Variants in FBXO34 observed in about 807,000 individuals in gnomAD.
The protein encoded by FBXO34 is F-box protein 34, also known as F-box only protein 34.
In FBXO34, 12 loss-of-function variants were observed where a neutral mutation model predicts 24.5. The observed-to-expected ratio is 0.49, with a 90% CI of 0.31 to 0.79. FBXO34 has a LOEUF of 0.79. FBXO34 is among the 30% of genes least tolerant of loss of function. The pLI is 0.04. For synonymous variants in FBXO34, 320 were observed against 311.9 expected, an observed-to-expected ratio of 1.03 and a Z score of -0.27; for missense variants, 823 against 857.7, an observed-to-expected ratio of 0.96 and a Z score of 0.51.
chr14:55,385,861 C>G, the FBXO34 span: 1 of 1,608,424 alleles, frequency 6.2e-7, no homozygotes, highest in South Asian at 1.1e-5. Context: ...TAATGTACCT[C>G]ACACCCGTCT....
chr14:55,308,354 A>G (rs1232711248), intron 1 of FBXO34, among the ~76,000 whole-genome samples: 1 of 152,250 alleles, frequency 6.6e-6, no homozygotes, highest in African/African-American at 2.4e-5. Context: ...ATAAACCAGT[A>G]TTTGATGATA....
the FBXO34 span, among the ~76,000 whole-genome samples, chr14:55,404,001 G>C: frequency 6.6e-6 from 1 of 152,118 alleles, no homozygotes; most frequent in African/African-American, 2.4e-5. Flanking sequence ...TTTAAAATTT[G>C]ATGGGATGGA....
At chr14:55,374,850 T>C (rs1434697578), downstream of FBXO34, among the ~76,000 whole-genome samples, 1 of 152,216 alleles carries the variant, frequency 6.6e-6, no homozygotes, top group Non-Finnish European at 1.5e-5. Flanking sequence ...ATTTTCTTCC[T>C]CTAATCACTC....
intron 1 of FBXO34, among the ~76,000 whole-genome samples, chr14:55,291,690 G>C (rs1348025300): frequency 6.6e-6 from 1 of 152,084 alleles, no homozygotes; most frequent in Admixed American, 6.6e-5. Context: ...CAACAAATTA[G>C]ACAGGTGTAG....
intron 1 of FBXO34, among the ~76,000 whole-genome samples, chr14:55,281,637 A>G (rs1029285857): frequency 6.6e-6 from 1 of 152,196 alleles, no homozygotes; most frequent in South Asian, 2.1e-4. Flanking sequence ...TTCTCCAAAT[A>G]TTACATCTGT....
the FBXO34 span, among the ~76,000 whole-genome samples, chr14:55,389,960 A>G: frequency 4.0e-5 from 6 of 149,952 alleles, no homozygotes; most frequent in East Asian, 3.9e-4. Context: ...TCACTAAGGG[A>G]AAAAAAAAAC....
intron 1 of FBXO34, among the ~76,000 whole-genome samples, chr14:55,297,237 A>T (rs576227445): frequency 6.6e-6 from 1 of 152,152 alleles, no homozygotes; most frequent in African/African-American, 2.4e-5. Flanking sequence ...TTAAAAGGGA[A>T]ACCTTACTGA....
At chr14:55,369,566 A>G, downstream of FBXO34, 1 of 1,399,074 alleles carries the variant, frequency 7.1e-7, no homozygotes, top group Non-Finnish European at 9.6e-7. Flanking sequence ...ACTAGAGTGT[A>G]GTGGGAGAAG....
At chr14:55,400,328 AGTGT>A in the FBXO34 span, among the ~76,000 whole-genome samples, 3 of 152,228 alleles carry the variant, frequency 2.0e-5, no homozygotes, top group Non-Finnish European at 4.4e-5. Flanking sequence ...AGTTTTTAAA[AGTGT>A]GTGTAGGGGG....
At chr14:55,294,772 C>T (rs1238248923) in intron 1 of FBXO34, among the ~76,000 whole-genome samples, 1 of 152,154 alleles carries the variant, frequency 6.6e-6, no homozygotes, top group Admixed American at 6.5e-5. Context: ...TGGAAAAGGA[C>T]TGAATATTGC....
intron 1 of FBXO34, among the ~76,000 whole-genome samples, chr14:55,290,165 G>A (rs903629214): frequency 6.6e-6 from 1 of 152,042 alleles, no homozygotes; most frequent in African/African-American, 2.4e-5. Context: ...GCTGAGGCGG[G>A]CGGATCCCAC....
the FBXO34 span, among the ~76,000 whole-genome samples, chr14:55,419,558 G>C: frequency 3.9e-5 from 6 of 152,182 alleles, no homozygotes; most frequent in African/African-American, 1.2e-4. Context: ...CTGGGCCCAG[G>C]TCCTGTTGCT....
chr14:55,326,990 G>A (rs1883362352), intron 1 of FBXO34, among the ~76,000 whole-genome samples: 1 of 152,132 alleles, frequency 6.6e-6, no homozygotes, highest in African/African-American at 2.4e-5. Flanking sequence ...ATGATCTAGT[G>A]GAGAGAGATG....
the FBXO34 span, among the ~76,000 whole-genome samples, chr14:55,429,656 C>T: frequency 3.3e-5 from 5 of 150,576 alleles, no homozygotes; most frequent in Non-Finnish European, 7.4e-5. Flanking sequence ...ATCCCAGCTA[C>T]TCAGGAGGCT....
chr14:55,394,492 T>A, the FBXO34 span, among the ~76,000 whole-genome samples: 1 of 152,240 alleles, frequency 6.6e-6, no homozygotes, highest in Non-Finnish European at 1.5e-5. Flanking sequence ...TATAAAGTCA[T>A]CAAGTACCAC....
At chr14:55,397,221 C>T in the FBXO34 span, 4 of 730,368 alleles carry the variant, frequency 5.5e-6, no homozygotes, top group Non-Finnish European at 9.5e-6. Flanking sequence ...TGCTTTACCT[C>T]TCCCACATGC....
the FBXO34 span, among the ~76,000 whole-genome samples, chr14:55,428,515 G>A: frequency 9.9e-5 from 15 of 151,994 alleles, no homozygotes; most frequent in African/African-American, 3.6e-4. Context: ...GAGCTTTTTA[G>A]AAACACAAAT....
At chr14:55,331,681 A>G (rs1180938881) in intron 1 of FBXO34, among the ~76,000 whole-genome samples, 26 of 68,240 alleles carry the variant, frequency 3.8e-4, no homozygotes, top group African/African-American at 3.3e-3. Context: ...GTATATATAT[A>G]TATGTGTATA....
the FBXO34 span, among the ~76,000 whole-genome samples, chr14:55,439,185 T>A: frequency 1.3e-5 from 2 of 151,320 alleles, no homozygotes; most frequent in South Asian, 2.1e-4. Context: ...ATGAGCCACG[T>A]GCCTCGGCCT....
Sources: allele counts gnomAD v4.1 joint callset (sites outside exome capture counted in the v4.1 genomes callset), GRCh38; gene constraint gnomAD v4.1.1; transcripts MANE v1.5; gene names NCBI Gene and HGNC (gene_info 2026-07-23, HGNC 2026-07-21).